The following USP31 variants were observed in gnomAD, a reference collection of about 807,000 sequenced individuals.
USP31 encodes the protein ubiquitin carboxyl-terminal hydrolase 31.
USP31 carries 44 observed loss-of-function variants against 119.4 expected under a neutral mutation model. That is an observed-to-expected ratio of 0.37 (90% CI 0.29 to 0.47). The LOEUF is 0.47. USP31 is among the 20% of genes least tolerant of loss of function. USP31 has a pLI of 0.99. For synonymous variants in USP31, 749 were observed against 705.6 expected, an observed-to-expected ratio of 1.06 and a Z score of -0.97; for missense variants, 1,643 against 1,730.2, an observed-to-expected ratio of 0.95 and a Z score of 0.89.
At chr16:23,137,799 C>CA (rs1183718028) in intron 1 of USP31, among the ~76,000 whole-genome samples, 3 of 142,762 alleles carry the variant, frequency 2.1e-5, no homozygotes, top group Admixed American at 7.1e-5. Context: ...AACAAACAAA[C>CA]AAAAAAAAGA....
intron 1 of USP31, among the ~76,000 whole-genome samples, chr16:23,121,033 A>C (rs6497649): frequency 6.6e-6 from 1 of 152,048 alleles, no homozygotes; most frequent in Non-Finnish European, 1.5e-5. Context: ...TTTTATAAGG[A>C]GATCCAAAAT....
At chr16:23,132,646 T>C (rs1345183443) in intron 1 of USP31, among the ~76,000 whole-genome samples, 2 of 152,218 alleles carry the variant, frequency 1.3e-5, no homozygotes, top group Non-Finnish European at 2.9e-5. Flanking sequence ...GATCAGTTCC[T>C]TTCTACATGG....
chr16:23,103,751 C>T (rs1386698382), intron 5 of USP31, among the ~76,000 whole-genome samples: 1 of 151,988 alleles, frequency 6.6e-6, no homozygotes, highest in Non-Finnish European at 1.5e-5. Flanking sequence ...CTCGTCTCTA[C>T]GAAAAATACA....
intron 1 of USP31, among the ~76,000 whole-genome samples, chr16:23,145,348 C>T (rs1007554717): frequency 6.6e-6 from 1 of 152,150 alleles, no homozygotes; most frequent in African/African-American, 2.4e-5. Flanking sequence ...ATTATGTGCA[C>T]ACTGACGCAT....
chr16:23,108,466 G>A (rs2141876470), intron 1 of USP31, among the ~76,000 whole-genome samples: 1 of 152,116 alleles, frequency 6.6e-6, no homozygotes, highest in Middle Eastern at 3.4e-3. Context: ...TATTAATCAA[G>A]GTTTATAAAA....
chr16:23,144,593 C>T (rs973906128), intron 1 of USP31, among the ~76,000 whole-genome samples: 2 of 152,062 alleles, frequency 1.3e-5, no homozygotes, highest in African/African-American at 2.4e-5. Flanking sequence ...GATTCTCGTG[C>T]CTCAGCCTCC....
At chr16:23,094,970 C>T (rs770198076) in intron 6 of USP31, among the ~76,000 whole-genome samples, 13 of 152,158 alleles carry the variant, frequency 8.5e-5, no homozygotes, top group African/African-American at 2.4e-4. Context: ...CGCAGTTCCT[C>T]GCCAGCAATG....
chr16:23,142,060 A>G (rs576262505), intron 1 of USP31, among the ~76,000 whole-genome samples: 1 of 152,322 alleles, frequency 6.6e-6, no homozygotes, highest in East Asian at 1.9e-4. Flanking sequence ...TAACCTTTGT[A>G]CTTAATCCTG....
At position 23,062,583 on chromosome 16, in the gene USP31, A is replaced by C. The variant is rs1382713290; in HGVS notation, c.*5463T>G. The C allele has an allele frequency of 6.6e-6, 1 of 152,602 alleles. No individual in the cohort carries two copies. The highest frequency in any genetic ancestry group is 1.5e-5 in the Non-Finnish European group (1 of 68,022). 9.5% of individuals were successfully genotyped at this position (152,602 alleles called of 1,614,324 possible). On this transcript the variant is annotated 3_prime_UTR_variant, in exon 16 of 16. Coordinates refer to ENST00000219689, the MANE Select transcript of USP31 (RefSeq NM_020718.4). ...CAGGGACAGGCTTTCCAAGGCTAGG[A>C]AGGTTGTTTCTTTTCTTCTTCGACA...
rs1446370971 is a variant in USP31 at position 23,149,173 on chromosome 16, G to T, written c.98C>A (p.Ala33Asp). 2 of 1,166,312 alleles carry T rather than the reference G, an allele frequency of 1.7e-6. No homozygotes were observed. The highest frequency in any genetic ancestry group is 2.1e-6 in the Non-Finnish European group (2 of 942,578). 72.2% of individuals were successfully genotyped at this position (1,166,312 alleles called of 1,614,324 possible). ...GGGGCCCCCCGCGCCGCCGCCGCCAGCGCGGCCGCTCCGAAACAGCCGCTT... is the reference window on the plus strand; with the variant it reads ...GGGGCCCCCCGCGCCGCCGCCGCCATCGCGGCCGCTCCGAAACAGCCGCTT... ...FSKRLFRSGR[A>D]GGGGAGGPGA... is the part of the protein sequence containing the mutation. The change falls in exon 1 of 16, where the codon GCT becomes GAT. Residue 33 changes from alanine to aspartate, a missense_variant. By Grantham distance (126) the Ala-to-Asp change is moderately radical. This residue lies in a region of USP31 where 302 missense variants were observed against 262.6 expected (regional missense o/e 1.15). Coordinates refer to ENST00000219689, the MANE Select transcript of USP31 (RefSeq NM_020718.4).
chr16:23,121,250 G>A (rs1469512052), intron 1 of USP31, among the ~76,000 whole-genome samples: 1 of 152,154 alleles, frequency 6.6e-6, no homozygotes, highest in Non-Finnish European at 1.5e-5. Flanking sequence ...ACCTGCTGTG[G>A]CACTCTACAC....
At chr16:23,100,731 A>G (rs1050847427) in intron 6 of USP31, among the ~76,000 whole-genome samples, 2 of 152,134 alleles carry the variant, frequency 1.3e-5, no homozygotes, top group South Asian at 2.1e-4. Flanking sequence ...ACAGAGCAAG[A>G]CTCTGTCTCA....
chr16:23,082,565 C>T lies in USP31; in HGVS notation c.1831-8G>A. ...GGCATCATCGGGGGCAAGCTGAAAA[C>T]AGAAGCATGACTCCCGTTAAGTGCC... On this transcript the variant is annotated splice_polypyrimidine_tract_variant and splice_region_variant and intron_variant, in intron 11 of 15. Coordinates refer to ENST00000219689, the MANE Select transcript of USP31 (RefSeq NM_020718.4). 6.2e-7 allele frequency: 1 copy of T among 1,613,990 alleles called. No individual in the cohort carries two copies. Among genetic ancestry groups the T allele is most frequent in the Non-Finnish European group, 8.5e-7 (1 of 1,180,016 alleles).
intron 13 of USP31, among the ~76,000 whole-genome samples, chr16:23,074,916 C>T (rs190619837): frequency 7.2e-5 from 11 of 152,238 alleles, no homozygotes; most frequent in Admixed American, 5.9e-4. Context: ...TGAGAATAAA[C>T]GAGTGCTAGA....
At chr16:23,120,921 C>T (rs531925817) in intron 1 of USP31, among the ~76,000 whole-genome samples, 2 of 152,272 alleles carry the variant, frequency 1.3e-5, no homozygotes, top group South Asian at 2.1e-4. Flanking sequence ...TATAAACACA[C>T]ACAGATTATA....
intron 1 of USP31, among the ~76,000 whole-genome samples, chr16:23,112,981 T>C (rs982521548): frequency 4.0e-5 from 6 of 150,386 alleles, no homozygotes; most frequent in African/African-American, 1.5e-4. Context: ...TGAGCCGAGA[T>C]CATGCCATTG....
At chr16:23,069,761 G>A (rs1900271530) in intron 15 of USP31, 145 bp from the exon 16 acceptor site, 1 of 1,090,968 alleles carries the variant, frequency 9.2e-7, no homozygotes, top group Non-Finnish European at 1.3e-6. Flanking sequence ...GGATCAAGGA[G>A]TCCCTGTGTG....
At chr16:23,070,351 G>A (rs1218341740) in intron 15 of USP31, among the ~76,000 whole-genome samples, 3 of 152,108 alleles carry the variant, frequency 2.0e-5, no homozygotes, top group South Asian at 2.1e-4. Flanking sequence ...GTGGATCAAC[G>A]CAAAGAGCTA....
intron 1 of USP31, among the ~76,000 whole-genome samples, chr16:23,145,244 G>A (rs745997667): frequency 1.3e-4 from 20 of 152,132 alleles, no homozygotes; most frequent in Non-Finnish European, 2.4e-4. Flanking sequence ...AAAAGCACTG[G>A]CATCACCAGG....
Sources: gnomAD v4.1 joint callset for allele counts (sites outside exome capture counted in the v4.1 genomes callset) on GRCh38, gnomAD v4.1.1 for gene constraint, gnomAD v4.1.1 regional missense constraint, MANE v1.5 for transcripts, NCBI Gene and HGNC (gene_info 2026-07-23, HGNC 2026-07-21) for gene names.